MSRA: variants seen among roughly 807,000 people sequenced by gnomAD.
The protein encoded by MSRA is methionine sulfoxide reductase A, also known as mitochondrial peptide methionine sulfoxide reductase.
A neutral mutation model predicts 31.3 loss-of-function variants in MSRA; 54 were observed. That is an observed-to-expected ratio of 1.73 (90% confidence interval 1.39 to 2.17). The LOEUF is 2.17. MSRA is among the 30% of genes most tolerant of loss of function. The pLI, the probability that MSRA is intolerant of heterozygous loss-of-function variation, is 0.00. For missense variants in MSRA, 507 were observed against 300.9 expected, an observed-to-expected ratio of 1.69 and a Z score of -5.07; for synonymous variants, 169 against 116.5, an observed-to-expected ratio of 1.45 and a Z score of -2.90.
chr8:10,265,463 ATCTTC>A (rs1452709666), intron 3 of MSRA, among the ~76,000 whole-genome samples: 1 of 152,114 alleles, frequency 6.6e-6, no homozygotes, highest in African/African-American at 2.4e-5. Flanking sequence ...GGCCTTTGGA[ATCTTC>A]TCTTCTCCCA....
chr8:10,081,947 T>C (rs2128923351), intron 1 of MSRA, among the ~76,000 whole-genome samples: 1 of 152,320 alleles, frequency 6.6e-6, no homozygotes, highest in South Asian at 2.1e-4. Context: ...CTCATGCCTG[T>C]GTCCCAGCGC....
intron 3 of MSRA, among the ~76,000 whole-genome samples, chr8:10,256,150 C>G (rs1184767986): frequency 6.6e-6 from 1 of 152,212 alleles, no homozygotes; most frequent in Non-Finnish European, 1.5e-5. Context: ...CCCCCAACCC[C>G]TGGCAACTGC....
At chr8:10,292,933 T>C (rs1800323684) in intron 3 of MSRA, among the ~76,000 whole-genome samples, 1 of 152,064 alleles carries the variant, frequency 6.6e-6, no homozygotes, top group Admixed American at 6.5e-5. Flanking sequence ...AGGGCCCTAG[T>C]GGCCAGCCAA....
intron 1 of MSRA, among the ~76,000 whole-genome samples, chr8:10,117,560 C>G (rs1462036526): frequency 6.6e-6 from 1 of 152,154 alleles, no homozygotes; most frequent in Non-Finnish European, 1.5e-5. Flanking sequence ...TGAATCCTAG[C>G]TGTTGGGAGC....
Position 10,250,133 on chromosome 8 carries a change from C to A in MSRA, c.331+4910C>A, listed in dbSNP as rs910376978. Among the ~76,000 whole-genome samples the A allele has an allele frequency of 6.6e-5, 10 of 152,006 alleles. No individual in the cohort carries two copies. In the East Asian group the frequency reaches 1.4e-3, roughly 21 times the overall value. ...TACACATGCACACACACACACACAC[C>A]CTCAAACAGTTGTTATGCAAACCAA... On this transcript the variant is annotated intron_variant, in intron 3 of 5. Transcript: ENST00000317173.
At chr8:10,122,840 T>A (rs1458258561) in intron 1 of MSRA, among the ~76,000 whole-genome samples, 1 of 152,226 alleles carries the variant, frequency 6.6e-6, no homozygotes, top group Non-Finnish European at 1.5e-5. Context: ...GCCAGCTCCA[T>A]CCATGTTGCT....
intron 3 of MSRA, among the ~76,000 whole-genome samples, chr8:10,253,364 G>C (rs17151478): frequency 0.6 from 91,183 of 152,000 alleles, 28,392 homozygotes; most frequent in Non-Finnish European, 0.68. Context: ...TTCAACTCAC[G>C]TCTCTCCTTG....
chr8:10,193,874 T>G (rs1301876961), intron 1 of MSRA, among the ~76,000 whole-genome samples: 1 of 152,168 alleles, frequency 6.6e-6, no homozygotes, highest in Non-Finnish European at 1.5e-5. Context: ...AAGGGCAGGA[T>G]TTTTTAAAAA....
chr8:10,302,828 G>C (rs1223336700), intron 4 of MSRA, among the ~76,000 whole-genome samples: 2 of 152,192 alleles, frequency 1.3e-5, no homozygotes, highest in African/African-American at 4.8e-5. Context: ...GGTGGAAGAG[G>C]GATGAGGTAT....
intron 2 of MSRA, among the ~76,000 whole-genome samples, chr8:10,215,302 C>A (rs980726446): frequency 6.6e-6 from 1 of 152,194 alleles, no homozygotes; most frequent in Non-Finnish European, 1.5e-5. Context: ...TGACTCTAGA[C>A]AAGTTTCTTC....
intron 3 of MSRA, among the ~76,000 whole-genome samples, chr8:10,273,221 A>G (rs556247204): frequency 1.3e-5 from 2 of 152,174 alleles, no homozygotes; most frequent in Non-Finnish European, 2.9e-5. Context: ...AGCATTTAAA[A>G]TAAAAATGGT....
chr8:10,301,554 G>C lies in MSRA; in HGVS notation c.352G>C (p.Val118Leu). Residue 118 changes from valine (V) to leucine (L), a missense_variant, in exon 4 of 6, where the codon GTC becomes CTC. Physicochemically the swap from Val to Leu is conservative, Grantham distance 32 (BLOSUM62 1). Transcript: ENST00000317173. ...CCAAGAAAAAACTGGCCATGCAGAAGTCGTCCGAGTGGTGTACCAGCCAGA... is the reference window on the plus strand; with the variant it reads ...CCAAGAAAAAACTGGCCATGCAGAACTCGTCCGAGTGGTGTACCAGCCAGA... ...VCSEKTGHAE[V>L]VRVVYQPEHM... The C allele has an allele frequency of 1.2e-6, 2 of 1,613,692 alleles. No individual in the cohort carries two copies. Among genetic ancestry groups the C allele is most frequent in the South Asian group, 2.2e-5 (2 of 90,934 alleles).
At chr8:10,067,769 C>T (rs369276691) in intron 1 of MSRA, among the ~76,000 whole-genome samples, 15 of 151,616 alleles carry the variant, frequency 9.9e-5, no homozygotes, top group African/African-American at 3.1e-4. Context: ...ATGATATATG[C>T]TGATGAAGAT....
At chr8:10,207,493 C>A (rs1346786625) in intron 1 of MSRA, among the ~76,000 whole-genome samples, 1 of 152,188 alleles carries the variant, frequency 6.6e-6, no homozygotes, top group Non-Finnish European at 1.5e-5. Flanking sequence ...GAAGTTGGAG[C>A]TTTGCTTGTT....
At chr8:10,283,802 CATATATATATATATAT>C (rs375322603) in intron 3 of MSRA, among the ~76,000 whole-genome samples, 32 of 46,154 alleles carry the variant, frequency 6.9e-4, no homozygotes, top group Non-Finnish European at 8.0e-4. Flanking sequence ...TATTCTATCT[CATATATATATATATAT>C]ATATATATAT....
intron 1 of MSRA, among the ~76,000 whole-genome samples, chr8:10,097,826 A>G (rs1372260967): frequency 6.6e-6 from 1 of 152,188 alleles, no homozygotes; most frequent in Non-Finnish European, 1.5e-5. Context: ...AAGAAATATT[A>G]AATTTTTCGA....
intron 3 of MSRA, among the ~76,000 whole-genome samples, chr8:10,286,440 A>G (rs572238780): frequency 6.6e-6 from 1 of 152,308 alleles, no homozygotes; most frequent in South Asian, 2.1e-4. Flanking sequence ...GCCGCCATCC[A>G]TGTAAGATGT....
chr8:10,265,742 C>G (rs1798713509), intron 3 of MSRA, among the ~76,000 whole-genome samples: 1 of 152,228 alleles, frequency 6.6e-6, no homozygotes, highest in Non-Finnish European at 1.5e-5. Flanking sequence ...CCTCGCATGC[C>G]TTCATCATTC....
intron 5 of MSRA, among the ~76,000 whole-genome samples, chr8:10,381,155 C>G (rs1017713590): frequency 6.6e-6 from 1 of 152,278 alleles, no homozygotes; most frequent in African/African-American, 2.4e-5. Flanking sequence ...TGGTCTCTCC[C>G]AAACCTTTCC....
Sources: allele counts gnomAD v4.1 joint callset (sites outside exome capture counted in the v4.1 genomes callset), GRCh38; gene constraint gnomAD v4.1.1; transcripts MANE v1.5; gene names NCBI Gene and HGNC (gene_info 2026-07-23, HGNC 2026-07-21).